The following GRK2 variants were observed in gnomAD, a reference collection of about 807,000 sequenced individuals.
The protein encoded by GRK2 is G protein-coupled receptor kinase 2.
A neutral mutation model predicts 97.8 loss-of-function variants in GRK2; 23 were observed. That is an observed-to-expected ratio of 0.24 (90% confidence interval 0.17 to 0.33). The LOEUF is 0.33. Ranked by LOEUF, GRK2 falls within the 10% of genes least tolerant of loss-of-function variation. GRK2 has a pLI of 1.00. For missense variants in GRK2, 633 were observed against 956.9 expected, an observed-to-expected ratio of 0.66 and a Z score of 4.47; for synonymous variants, 425 against 381.7, an observed-to-expected ratio of 1.11 and a Z score of -1.32.
intron 6 of GRK2, 63 bp downstream of exon 6, chr11:67,279,963 G>C: frequency 6.5e-7 from 1 of 1,544,224 alleles, no homozygotes; most frequent in Non-Finnish European, 8.9e-7. Context: ...AAGGGGTATG[G>C]CTGGCGTGGA....
intron 1 of GRK2, among the ~76,000 whole-genome samples, chr11:67,275,442 C>A (rs966025489): frequency 2.0e-5 from 3 of 152,214 alleles, no homozygotes; most frequent in Non-Finnish European, 4.4e-5. Flanking sequence ...ACCCTTCTCC[C>A]GGTCCCCGAC....
chr11:67,280,774 C>T lies in GRK2; in HGVS notation c.546C>T (p.Leu182=), dbSNP rs371906926. The change falls in exon 7 of 21, where the codon CTC becomes CTT. Residue 182 remains leucine, a synonymous_variant. Coordinates refer to ENST00000308595, the MANE Select transcript of GRK2 (RefSeq NM_001619.5). The part of the protein sequence containing the change: ...TRFCQWKNVE[L]NIHLTMNDFS... The stretch of plus-strand genomic sequence containing the variant: ...TTTGCCAGTGGAAGAATGTGGAGCT[C>T]AACATCCACGTGAGTGGGCTTGGGT... 2 of 1,614,074 alleles carry T rather than the reference C, an allele frequency of 1.2e-6. No homozygotes were observed. The highest frequency in any genetic ancestry group is 1.7e-6 in the Non-Finnish European group (2 of 1,179,998).
rs1002563400 is a variant in GRK2, at chr11:67,269,961, C to T, written c.113+3149C>T. 6.6e-6 allele frequency among the ~76,000 whole-genome samples: 1 copy of T among 152,208 alleles called. No homozygotes were observed. Among genetic ancestry groups the T allele is most frequent in the African/African-American group, 2.4e-5 (1 of 41,456 alleles). Reference sequence around the variant, plus strand: ...GGAAACAGTCCCTTTCCCCGACCTTCTTGTAGAAGGAGGTAGCGTAAGGCA... The same window carrying T: ...GGAAACAGTCCCTTTCCCCGACCTTTTTGTAGAAGGAGGTAGCGTAAGGCA... On this transcript the variant is annotated intron_variant, in intron 1 of 20. Transcript: ENST00000308595. The surrounding 1 kb of genome is among the most constrained non-coding windows in gnomAD (Gnocchi z 4.1).
chr11:67,267,961 G>T (rs941859493), intron 1 of GRK2, among the ~76,000 whole-genome samples: 2 of 152,204 alleles, frequency 1.3e-5, no homozygotes, highest in African/African-American at 4.8e-5. Context: ...CTGTGCCAGG[G>T]AGCAGACGTG....
Position 67,284,828 on chromosome 11 carries a change from CCT to C in GRK2, c.1655-16_1655-15del, listed in dbSNP as rs1318394730. On this transcript the variant is annotated splice_polypyrimidine_tract_variant and intron_variant, in intron 18 of 20. Coordinates refer to ENST00000308595, the MANE Select transcript of GRK2 (RefSeq NM_001619.5). ...AACCCAGGTGGGGCCGGCTGAGTCT[CCT>C]CTGTCTCTCGCCTCAGACTACGCCC... 1.2e-6 allele frequency: 2 copies of C among 1,610,630 alleles called. No homozygotes were observed. Among genetic ancestry groups the C allele is most frequent in the South Asian group, 2.2e-5 (2 of 90,814 alleles).
chr11:67,275,088 G>C, intron 1 of GRK2, among the ~76,000 whole-genome samples: 1 of 152,310 alleles, frequency 6.6e-6, no homozygotes, highest in South Asian at 2.1e-4. Context: ...CCCAGCCTCT[G>C]AGGGTGGGGA....
chr11:67,279,082 A>G, intron 2 of GRK2, 118 bp from the exon 3 acceptor site: 1 of 828,608 alleles, frequency 1.2e-6, no homozygotes. Context: ...TGGGGCCGAG[A>G]CCACCTTTGC....
rs745961941 is a variant in GRK2 at position 67,283,245 on chromosome 11, C to CT, written c.1328+19dup. ...GGGCCGAGGGTGAGTACCCTGGCGCCTTGGGCATGCTGCTGGCTGTGCCCC... is the reference window on the plus strand; with the variant it reads ...GGGCCGAGGGTGAGTACCCTGGCGCCTTTGGGCATGCTGCTGGCTGTGCCCC... On this transcript the variant is annotated intron_variant, in intron 15 of 20. Transcript: ENST00000308595. The CT allele has an allele frequency of 6.2e-7, 1 of 1,605,000 alleles. No individual in the cohort carries two copies. Among genetic ancestry groups the CT allele is most frequent in the Non-Finnish European group, 8.5e-7 (1 of 1,171,968 alleles).
intron 18 of GRK2, 72 bp downstream of exon 18, chr11:67,284,445 G>A: frequency 6.5e-7 from 1 of 1,537,830 alleles, no homozygotes; most frequent in Non-Finnish European, 8.8e-7. Context: ...CGGGTTTAAG[G>A]AACTCACCCT....
intron 1 of GRK2, among the ~76,000 whole-genome samples, chr11:67,272,550 C>A (rs1466124861): frequency 6.6e-6 from 1 of 152,196 alleles, no homozygotes; most frequent in Non-Finnish European, 1.5e-5. Context: ...CGGAAGTGCT[C>A]CCTCAGCACC....
At chr11:67,277,479 C>T in intron 2 of GRK2, 131 bp downstream of exon 2, 1 of 790,688 alleles carries the variant, frequency 1.3e-6, no homozygotes, top group Non-Finnish European at 2.1e-6. Context: ...CCAGCGAGAC[C>T]CCAGGGCTTG....
intron 7 of GRK2, 104 bp downstream of exon 7, chr11:67,280,887 G>T: frequency 7.2e-7 from 1 of 1,390,932 alleles, no homozygotes; most frequent in South Asian, 1.2e-5. Context: ...GGGGATGTCT[G>T]TCCTTTAGCC....
In GRK2 at chr11:67,281,746, C is replaced by G. The variant is rs753729641; in HGVS notation, c.826+18C>G. The G allele has an allele frequency of 1.2e-6, 2 of 1,613,234 alleles. No individual in the cohort carries two copies. The highest frequency in any genetic ancestry group is 1.1e-5 in the South Asian group (1 of 91,048). On this transcript the variant is annotated intron_variant, in intron 10 of 20. Transcript: ENST00000308595. The surrounding 1 kb of genome is among the most constrained non-coding windows in gnomAD (Gnocchi z 5.7). ...CATGAACGGTGAGTGCTGGCCGGGCCCTAGGGTGGGCCGGGCCCAGGCACG... is the reference window on the plus strand; with the variant it reads ...CATGAACGGTGAGTGCTGGCCGGGCGCTAGGGTGGGCCGGGCCCAGGCACG...
In GRK2 at chr11:67,284,925, G is replaced by A; in HGVS notation, c.1733G>A (p.Arg578Gln). 5.0e-6 allele frequency: 8 copies of A among 1,613,098 alleles called. No homozygotes were observed. The highest frequency in any genetic ancestry group is 6.8e-6 in the Non-Finnish European group (8 of 1,179,968). Residue 578 changes from arginine (R) to glutamine (Q), a missense_variant, in exon 19 of 21, where the codon CGG becomes CAG. By Grantham distance (43) the Arg-to-Gln change is conservative (BLOSUM62 1). This residue lies in a region of GRK2 where 180 missense variants were observed against 311.3 expected (regional missense o/e 0.58). Coordinates refer to ENST00000308595, the MANE Select transcript of GRK2 (RefSeq NM_001619.5). ...MGNPFLTQWQ[R>Q]RYFYLFPNRL... Reference sequence around the variant, plus strand: ...AACCCCTTCCTGACCCAGTGGCAGCGGCGGTACTTCTACCTGTTCCCCAAC... The same window carrying A: ...AACCCCTTCCTGACCCAGTGGCAGCAGCGGTACTTCTACCTGTTCCCCAAC...
At chr11:67,272,638 G>T (rs182542415) in intron 1 of GRK2, among the ~76,000 whole-genome samples, 1 of 152,342 alleles carries the variant, frequency 6.6e-6, no homozygotes, top group Admixed American at 6.5e-5. Flanking sequence ...GGAGCAGTAG[G>T]AGCTGGTGCA....
At chr11:67,284,096 G>A in intron 17 of GRK2, 115 bp from the exon 18 acceptor site, 1 of 1,480,768 alleles carries the variant, frequency 6.8e-7, no homozygotes, top group Non-Finnish European at 9.3e-7. Flanking sequence ...TCCCTGGGGG[G>A]TGGCAGTTGC....
chr11:67,270,207 T>C (rs1205824961), intron 1 of GRK2, among the ~76,000 whole-genome samples: 1 of 152,196 alleles, frequency 6.6e-6, no homozygotes, highest in Admixed American at 6.5e-5. Flanking sequence ...ATTATCATCA[T>C]TTGCTTAATA....
In GRK2 at chr11:67,284,826, C is replaced by T. The variant is rs770462212; in HGVS notation, c.1655-21C>T. 2.5e-5 allele frequency: 40 copies of T among 1,609,384 alleles called. No homozygotes were observed. In the South Asian group the frequency reaches 4.0e-4, roughly 16 times the overall value. On this transcript the variant is annotated intron_variant, in intron 18 of 20. Coordinates refer to ENST00000308595, the MANE Select transcript of GRK2 (RefSeq NM_001619.5). ...GAAACCCAGGTGGGGCCGGCTGAGT[C>T]TCCTCTGTCTCTCGCCTCAGACTAC...
chr11:67,276,938 C>T lies in GRK2; in HGVS notation c.114-334C>T, dbSNP rs1860043368. On this transcript the variant is annotated intron_variant, in intron 1 of 20. Coordinates refer to ENST00000308595, the MANE Select transcript of GRK2 (RefSeq NM_001619.5). The surrounding 1 kb of genome is among the most constrained non-coding windows in gnomAD (Gnocchi z 4.2). ...GTGTGTCTTTTCATCCGCTCACAAA[C>T]CAGGCTTGGCTTTTGTGACTTGGCC... 4.5e-6 allele frequency: 1 copy of T among 224,572 alleles called. No homozygotes were observed. The allele number at this position is 224,572 out of a possible 1,614,324, so 13.9% of individuals were successfully genotyped here.
Sources: gnomAD v4.1 joint callset for allele counts (sites outside exome capture counted in the v4.1 genomes callset) on GRCh38, gnomAD v4.1.1 for gene constraint, gnomAD v4.1.1 regional missense constraint, Gnocchi (gnomAD v3.1) non-coding constraint, MANE v1.5 for transcripts, NCBI Gene and HGNC (gene_info 2026-07-23, HGNC 2026-07-21) for gene names.